Variants in CMKLR1 observed in about 807,000 individuals in gnomAD.
CMKLR1 encodes chemerin-like receptor 1.
In CMKLR1, 6 loss-of-function variants were observed where a neutral mutation model predicts 8.2. The observed-to-expected ratio is 0.73, with a 90% CI of 0.40 to 1.44. The LOEUF (loss-of-function observed/expected upper bound fraction) is 1.44, where lower values mean the gene tolerates loss of function less well. Ranked by LOEUF, CMKLR1 falls within the 40% of genes most tolerant of loss-of-function variation. The probability of loss-of-function intolerance (pLI) is 0.02; values close to 1 mark genes in which losing one functional copy is unlikely to be tolerated. For synonymous variants in CMKLR1, 178 were observed against 181.2 expected, an observed-to-expected ratio of 0.98 and a Z score of 0.14; for missense variants, 429 against 478.0, an observed-to-expected ratio of 0.90 and a Z score of 0.96.
rs1890890582 is a variant in CMKLR1 at position 108,289,245 on chromosome 12, C to G, written c.*2596G>C. 1 of 152,304 alleles carries G rather than the reference C, an allele frequency of 6.6e-6. No individual in the cohort carries two copies. Among genetic ancestry groups the G allele is most frequent in the Non-Finnish European group, 1.5e-5 (1 of 68,104 alleles). The allele number at this position is 152,304 out of a possible 1,614,324, so 9.4% of individuals were successfully genotyped here. ...GAGTCCTGGGCCCAGAGAGAAGGCT[C>G]TGGGCACTAAGTATGTTGGTTGCCT... On this transcript the variant is annotated 3_prime_UTR_variant, in exon 4 of 4. Coordinates refer to ENST00000550402, the MANE Select transcript of CMKLR1 (RefSeq NM_001142343.2).
intron 2 of CMKLR1, among the ~76,000 whole-genome samples, chr12:108,305,579 C>T (rs375804194): frequency 6.6e-6 from 1 of 152,184 alleles, no homozygotes; most frequent in Non-Finnish European, 1.5e-5. Context: ...TCTCATCTCC[C>T]AAGGATGGCT....
In CMKLR1 at chr12:108,310,666, A is replaced by T. The variant is rs7316862; in HGVS notation, c.-73-17002T>A. 4.6e-3 allele frequency among the ~76,000 whole-genome samples: 700 copies of T among 152,276 alleles called. 5 individuals carry two copies. The highest frequency in any genetic ancestry group is 0.016 in the African/African-American group (669 of 41,530). On this transcript the variant is annotated intron_variant, in intron 2 of 3. Transcript: ENST00000550402. Reference sequence around the variant, plus strand: ...AGGAGTGAGGACCAGAGATACTCAGATGGGTCTTCACGGGAAAAGCCAGGT... The same window carrying T: ...AGGAGTGAGGACCAGAGATACTCAGTTGGGTCTTCACGGGAAAAGCCAGGT...
chr12:108,294,669 C>T (rs1326585927), intron 2 of CMKLR1, among the ~76,000 whole-genome samples: 1 of 152,144 alleles, frequency 6.6e-6, no homozygotes, highest in Non-Finnish European at 1.5e-5. Context: ...CTAGTGATTG[C>T]ATTATTGCCT....
At chr12:108,309,917 G>T (rs4964671) in intron 2 of CMKLR1, among the ~76,000 whole-genome samples, 1 of 152,008 alleles carries the variant, frequency 6.6e-6, no homozygotes, top group African/African-American at 2.4e-5. Flanking sequence ...GTATGTCTTT[G>T]TGGACATGAA....
chr12:108,292,530 C>G lies in CMKLR1; in HGVS notation c.433G>C (p.Val145Leu). ...SDRCISVLLP[V>L]WSQNHRSVRL... ...ACGCTGCGGTGGTTCTGGGACCAGA[C>G]AGGGAGGAGCACAGAGATGCAGCGG... is the stretch of plus-strand genomic sequence containing the variant. The change falls in exon 4 of 4, where the codon GTC becomes CTC. Residue 145 changes from valine (V) to leucine (L), a missense_variant. Physicochemically the swap from Val to Leu is conservative, Grantham distance 32. Transcript: ENST00000550402. 6.2e-7 allele frequency: 1 copy of G among 1,614,106 alleles called. No individual in the cohort carries two copies. Among genetic ancestry groups the G allele is most frequent in the Non-Finnish European group, 8.5e-7 (1 of 1,180,004 alleles).
At chr12:108,304,584 T>C (rs1420666924) in intron 2 of CMKLR1, among the ~76,000 whole-genome samples, 1 of 152,106 alleles carries the variant, frequency 6.6e-6, no homozygotes, top group Non-Finnish European at 1.5e-5. Context: ...CCTCTCTCTC[T>C]CCCCCAGTCT....
At chr12:108,338,512 G>A (rs1593184437) in intron 1 of CMKLR1, among the ~76,000 whole-genome samples, 1 of 152,156 alleles carries the variant, frequency 6.6e-6, no homozygotes, top group African/African-American at 2.4e-5. Context: ...ATCGTAGAGA[G>A]GTCAAGCTGC....
chr12:108,310,867 T>G (rs976074277), intron 2 of CMKLR1, among the ~76,000 whole-genome samples: 16 of 152,032 alleles, frequency 1.1e-4, no homozygotes, highest in Admixed American at 2.6e-4. Context: ...AGGGAGGCAG[T>G]GCTGAGGGGC....
intron 2 of CMKLR1, among the ~76,000 whole-genome samples, chr12:108,313,942 C>T (rs1891652659): frequency 6.6e-6 from 1 of 152,204 alleles, no homozygotes; most frequent in African/African-American, 2.4e-5. Context: ...GCAGCAGCCA[C>T]TTCCTCCCTT....
intron 2 of CMKLR1, among the ~76,000 whole-genome samples, chr12:108,301,567 C>A (rs1029253732): frequency 7.2e-5 from 11 of 152,222 alleles, no homozygotes; most frequent in African/African-American, 2.2e-4. Flanking sequence ...ACATAGTAGG[C>A]ACATAATAAG....
In CMKLR1 at chr12:108,292,120, G is replaced by A. The variant is rs1890992034; in HGVS notation, c.843C>T (p.Leu281=). ...GCATGGCAGTGTGGTGGAGCTCTAG[G>A]AGGTTGAGTGTGTGGTAGGGGCACC... The part of the protein sequence containing the change: ...LCWCPYHTLN[L]LELHHTAMPG... Residue 281 remains leucine (L), a synonymous_variant, in exon 4 of 4, where the codon CTC becomes CTT. Coordinates refer to ENST00000550402, the MANE Select transcript of CMKLR1 (RefSeq NM_001142343.2). 6.2e-7 allele frequency: 1 copy of A among 1,614,080 alleles called. No homozygotes were observed. Among genetic ancestry groups the A allele is most frequent in the African/African-American group, 1.3e-5 (1 of 74,940 alleles).
In CMKLR1 at chr12:108,293,574, A is replaced by G. The variant is rs1593156778; in HGVS notation, c.3+15T>C. The G allele has an allele frequency of 4.5e-6, 7 of 1,551,508 alleles. No individual in the cohort carries two copies. The highest frequency in any genetic ancestry group is 6.1e-6 in the Non-Finnish European group (7 of 1,147,008). On this transcript the variant is annotated intron_variant, in intron 3 of 3. Transcript: ENST00000550402. ...ACTGGTGCCCTTTGGAGTTCAGACC[A>G]CAAGACTTCCTCACCATTCACCGTT...
At chr12:108,324,299 G>T (rs1481111583) in intron 2 of CMKLR1, among the ~76,000 whole-genome samples, 1 of 152,214 alleles carries the variant, frequency 6.6e-6, no homozygotes, top group African/African-American at 2.4e-5. Flanking sequence ...ATCTTTTCAA[G>T]TGTTGTAGTG....
intron 2 of CMKLR1, among the ~76,000 whole-genome samples, chr12:108,307,826 G>T (rs1891448027): frequency 6.6e-6 from 1 of 152,182 alleles, no homozygotes; most frequent in Non-Finnish European, 1.5e-5. Context: ...ACCTGGATCT[G>T]CTCTCCACAC....
intron 2 of CMKLR1, among the ~76,000 whole-genome samples, chr12:108,321,053 C>A (rs185915858): frequency 6.6e-6 from 1 of 152,346 alleles, no homozygotes; most frequent in Admixed American, 6.5e-5. Flanking sequence ...CTCAGCAGAG[C>A]AGGAGCAGCC....
At chr12:108,304,931 G>A (rs1891369200) in intron 2 of CMKLR1, among the ~76,000 whole-genome samples, 1 of 152,230 alleles carries the variant, frequency 6.6e-6, no homozygotes. Context: ...GCCCATCAGG[G>A]AAACTGGAAA....
intron 2 of CMKLR1, 31 bp downstream of exon 2, chr12:108,329,964 C>A (rs1892066811): frequency 6.6e-6 from 1 of 152,170 alleles, no homozygotes; most frequent in South Asian, 2.1e-4. Flanking sequence ...TAAAGATAGA[C>A]TCTAACATCC....
At chr12:108,316,578 G>A (rs1008522120) in intron 2 of CMKLR1, among the ~76,000 whole-genome samples, 5 of 152,176 alleles carry the variant, frequency 3.3e-5, no homozygotes, top group African/African-American at 1.2e-4. Context: ...AAGGCTAAAA[G>A]GAGTCTTCTG....
At position 108,292,003 on chromosome 12, in the gene CMKLR1, A is replaced by G; in HGVS notation, c.960T>C (p.Gly320=). 6.2e-7 allele frequency: 1 copy of G among 1,614,182 alleles called. No individual in the cohort carries two copies. Among genetic ancestry groups the G allele is most frequent in the East Asian group, 2.2e-5 (1 of 44,878 alleles). The change falls in exon 4 of 4, where the codon GGT becomes GGC. Residue 320 remains glycine (G), a synonymous_variant. Coordinates refer to ENST00000550402, the MANE Select transcript of CMKLR1 (RefSeq NM_001142343.2). ...CMNPILYVFM[G]QDFKKFKVAL... is the part of the protein sequence containing the mutation. ...CCACCTTGAACTTCTTGAAGTCCTG[A>G]CCCATGAAAACATACAGAATGGGGT...
Sources: gnomAD v4.1 joint callset for allele counts (sites outside exome capture counted in the v4.1 genomes callset) on GRCh38, gnomAD v4.1.1 for gene constraint, MANE v1.5 for transcripts, NCBI Gene and HGNC (gene_info 2026-07-23, HGNC 2026-07-21) for gene names.